ZNF445: variants seen among roughly 807,000 people sequenced by gnomAD.
The protein encoded by ZNF445 is zinc finger protein 168.
Under a neutral mutation model 93.9 loss-of-function variants are expected in ZNF445, and 19 were observed. That is an observed-to-expected ratio of 0.20 (90% confidence interval 0.14 to 0.30). The LOEUF is 0.30. Among genes scored for constraint, ZNF445 ranks in the 10% least tolerant of loss-of-function variants. The pLI is 1.00. For missense variants in ZNF445, 1,058 were observed against 1,259.4 expected (o/e 0.84, Z 2.42); for synonymous variants, 449 against 446.3 (o/e 1.01, Z -0.08).
chr3:44,462,772 T>C (rs1330504291), intron 1 of ZNF445, among the ~76,000 whole-genome samples: 1 of 152,190 alleles, frequency 6.6e-6, no homozygotes, highest in South Asian at 2.1e-4. Context: ...ATTAATTTCA[T>C]GTGGGAAGTT....
Position 44,439,832 on chromosome 3 carries a change from C to T in ZNF445, c.*6743G>A, listed in dbSNP as rs771670186. The T allele has an allele frequency of 2.6e-5, 4 of 152,256 alleles. No homozygotes were observed. The highest frequency in any genetic ancestry group is 2.1e-4 in the South Asian group (1 of 4,818). The allele number at this position is 152,256 out of a possible 1,614,324, so 9.4% of individuals were successfully genotyped here. On this transcript the variant is annotated 3_prime_UTR_variant, in exon 8 of 8. Coordinates refer to ENST00000396077, the MANE Select transcript of ZNF445 (RefSeq NM_181489.6). The stretch of plus-strand genomic sequence containing the variant: ...CTAGGGAAAGCAAAGCGGGCACCCA[C>T]GCCAGTCTGTTGGGCTTCAGTGAAA...
chr3:44,449,457 G>T, intron 7 of ZNF445, 56 bp downstream of exon 7: 1 of 1,387,052 alleles, frequency 7.2e-7, no homozygotes, highest in South Asian at 1.2e-5. Flanking sequence ...CTGACCTTAA[G>T]AAAGAGAAAA....
rs765443158 is a variant in ZNF445 at position 44,439,874 on chromosome 3, C to G, written c.*6701G>C. 7 of 152,230 alleles carry G rather than the reference C, an allele frequency of 4.6e-5. No homozygotes were observed. Among genetic ancestry groups the G allele is most frequent in the Non-Finnish European group, 7.3e-5 (5 of 68,066 alleles). 9.4% of individuals were successfully genotyped at this position (152,230 alleles called of 1,614,324 possible). On this transcript the variant is annotated 3_prime_UTR_variant, in exon 8 of 8. Coordinates refer to ENST00000396077, the MANE Select transcript of ZNF445 (RefSeq NM_181489.6). ...TCAGTGAAAGGACGAACAAGTGGCTCTGGTTTTTGTTGTGGTTATGAGAGC... is the reference window on the plus strand; with the variant it reads ...TCAGTGAAAGGACGAACAAGTGGCTGTGGTTTTTGTTGTGGTTATGAGAGC...
chr3:44,463,239 G>A (rs1169245206), intron 1 of ZNF445, among the ~76,000 whole-genome samples: 2 of 152,096 alleles, frequency 1.3e-5, no homozygotes, highest in Admixed American at 6.5e-5. Context: ...GTTTCACCAT[G>A]TTGCTAGGTT....
At chr3:44,473,024 G>T (rs1698292459) in intron 1 of ZNF445, among the ~76,000 whole-genome samples, 1 of 152,090 alleles carries the variant, frequency 6.6e-6, no homozygotes, top group Non-Finnish European at 1.5e-5. Flanking sequence ...TTCACCTCAT[G>T]GCCAATGTAA....
In ZNF445 at chr3:44,434,887, T is replaced by C. The variant is rs1697645111; in HGVS notation, c.*11688A>G. 1 of 152,208 alleles carries C rather than the reference T, an allele frequency of 6.6e-6. No homozygotes were observed. The highest frequency in any genetic ancestry group is 2.4e-5 in the African/African-American group (1 of 41,454). 9.4% of individuals were successfully genotyped at this position (152,208 alleles called of 1,614,324 possible). A position where few individuals can be genotyped will look rare whatever the true frequency, so the allele number is the denominator to read the frequency against. ...CCACGATAGCTGAAGGCTATGCTAT[T>C]GAACACTGTAACTCAACTTTTACGT... is the stretch of plus-strand genomic sequence containing the variant. On this transcript the variant is annotated 3_prime_UTR_variant, in exon 8 of 8. Coordinates refer to ENST00000396077, the MANE Select transcript of ZNF445 (RefSeq NM_181489.6).
At chr3:44,455,810 A>T (rs191642439) in intron 2 of ZNF445, 114 bp from the exon 3 acceptor site, 1 of 399,502 alleles carries the variant, frequency 2.5e-6, no homozygotes, top group Admixed American at 4.2e-5. Flanking sequence ...GGTATATGCC[A>T]GTATCAAGTA....
chr3:44,458,637 C>A (rs567178236), intron 1 of ZNF445, among the ~76,000 whole-genome samples: 6 of 152,018 alleles, frequency 3.9e-5, no homozygotes, highest in Non-Finnish European at 7.4e-5. Context: ...AATATTGGTG[C>A]GTTTTAGGCC....
Position 44,439,058 on chromosome 3 carries a change from C to T in ZNF445, c.*7517G>A, listed in dbSNP as rs1306479682. On this transcript the variant is annotated 3_prime_UTR_variant, in exon 8 of 8. Coordinates refer to ENST00000396077, the MANE Select transcript of ZNF445 (RefSeq NM_181489.6). ...AGGCATGGTGGCTCACACCTGTAAT[C>T]CCAGCACTTTGGCAAGCTGAGGCAG... is the stretch of plus-strand genomic sequence containing the variant. 6.6e-6 allele frequency: 1 copy of T among 151,090 alleles called. No individual in the cohort carries two copies. The highest frequency in any genetic ancestry group is 1.5e-5 in the Non-Finnish European group (1 of 67,900). The allele number at this position is 151,090 out of a possible 1,614,324, so 9.4% of individuals were successfully genotyped here. A position where few individuals can be genotyped will look rare whatever the true frequency, so the allele number is the denominator to read the frequency against.
rs1327035466 is a variant in ZNF445 at position 44,438,129 on chromosome 3, T to G, written c.*8446A>C. On this transcript the variant is annotated 3_prime_UTR_variant, in exon 8 of 8. Coordinates refer to ENST00000396077, the MANE Select transcript of ZNF445 (RefSeq NM_181489.6). ...CAAAATTATGCAATTTGGAGAGTACTGTATCTCCTCAGTCACATTTTGCAC... is the reference window on the plus strand; with the variant it reads ...CAAAATTATGCAATTTGGAGAGTACGGTATCTCCTCAGTCACATTTTGCAC... 6.6e-6 allele frequency: 1 copy of G among 152,010 alleles called. No individual in the cohort carries two copies. The highest frequency in any genetic ancestry group is 1.5e-5 in the Non-Finnish European group (1 of 67,984). The allele number at this position is 152,010 out of a possible 1,614,324, so 9.4% of individuals were successfully genotyped here. A position where few individuals can be genotyped will look rare whatever the true frequency, so the allele number is the denominator to read the frequency against.
intron 1 of ZNF445, among the ~76,000 whole-genome samples, chr3:44,475,994 C>T (rs1698346383): frequency 1.3e-5 from 2 of 151,158 alleles, no homozygotes; most frequent in African/African-American, 4.9e-5. Flanking sequence ...AGTGAAACTC[C>T]GTCTCAAAAA....
rs1697902693 is a variant in ZNF445 at position 44,447,980 on chromosome 3, G to A, written c.1691C>T (p.Ala564Val). ...ATTCAATTCAAGAAATTTCTTCTTAGCATGGGTTTCTCGGTGCAGACGGTA... is the reference window on the plus strand; with the variant it reads ...ATTCAATTCAAGAAATTTCTTCTTAACATGGGTTTCTCGGTGCAGACGGTA... ...SAYRLHRETH[A>V]KKKFLELNQY... Residue 564 changes from alanine (A) to valine (V), a missense_variant, in exon 8 of 8, where the codon GCT becomes GTT. By Grantham distance (64) the Ala-to-Val change is moderately conservative. Around this residue, in one of 3 missense-constraint regions of ZNF445, gnomAD observed 657 missense variants for 746.4 expected, o/e 0.88. Transcript: ENST00000396077. This position sits in a 1 kb window ranked among gnomAD's most constrained non-coding sequence, Gnocchi z 4.7. 1 of 1,612,476 alleles carries A rather than the reference G, an allele frequency of 6.2e-7. No individual in the cohort carries two copies. Among genetic ancestry groups the A allele is most frequent in the Non-Finnish European group, 8.5e-7 (1 of 1,179,992 alleles).
chr3:44,458,728 A>C (rs891935374), intron 1 of ZNF445, among the ~76,000 whole-genome samples: 2 of 151,966 alleles, frequency 1.3e-5, no homozygotes, highest in Non-Finnish European at 2.9e-5. Flanking sequence ...TTTCTCCCCA[A>C]GGCAGGCCAC....
rs1443550445 is a variant in ZNF445, at chr3:44,447,949, A to G, written c.1722T>C (p.Tyr574=). ...AKKKFLELNQ[Y]RAALTYSSGF... is the part of the protein sequence containing the mutation. ...CTGAGCTGTAGGTGAGAGCTGCCCTATACTGATTCAATTCAAGAAATTTCT... is the reference window on the plus strand; with the variant it reads ...CTGAGCTGTAGGTGAGAGCTGCCCTGTACTGATTCAATTCAAGAAATTTCT... Residue 574 remains tyrosine, a synonymous_variant, in exon 8 of 8, where the codon TAT becomes TAC. Transcript: ENST00000396077. The surrounding 1 kb of genome is among the most constrained non-coding windows in gnomAD (Gnocchi z 4.7). The G allele has an allele frequency of 6.2e-7, 1 of 1,613,100 alleles. No homozygotes were observed. The highest frequency in any genetic ancestry group is 1.3e-5 in the African/African-American group (1 of 74,766).
chr3:44,441,665 T>A lies in ZNF445; in HGVS notation c.*4910A>T, dbSNP rs1318844591. ...CTATGCTTAAGAAATATTTTTACTT[T>A]GAAACACTTTAAGCAAACAGTTAAA... On this transcript the variant is annotated 3_prime_UTR_variant, in exon 8 of 8. Transcript: ENST00000396077. 1.3e-5 allele frequency: 2 copies of A among 152,212 alleles called. No homozygotes were observed. Among genetic ancestry groups the A allele is most frequent in the African/African-American group, 4.8e-5 (2 of 41,450 alleles). The allele number at this position is 152,212 out of a possible 1,614,324, so 9.4% of individuals were successfully genotyped here. A position where few individuals can be genotyped will look rare whatever the true frequency, so the allele number is the denominator to read the frequency against.
At chr3:44,453,345 A>G (rs930104333) in intron 3 of ZNF445, among the ~76,000 whole-genome samples, 4 of 149,232 alleles carry the variant, frequency 2.7e-5, no homozygotes, top group African/African-American at 7.4e-5. Flanking sequence ...CCCAGTCTAG[A>G]CTGCACTGGT....
chr3:44,462,829 G>C (rs1455306276), intron 1 of ZNF445, among the ~76,000 whole-genome samples: 1 of 152,166 alleles, frequency 6.6e-6, no homozygotes, highest in Non-Finnish European at 1.5e-5. Flanking sequence ...ACTTGGTATG[G>C]CTAAAGTTGG....
In ZNF445 at chr3:44,455,581, C is replaced by A. The variant is rs764032500; in HGVS notation, c.-32G>T. On this transcript the variant is annotated 5_prime_UTR_variant, in exon 3 of 8. Transcript: ENST00000396077. ...TGTTCAGGGACTAACCAGAAGAGTG[C>A]GAACCAAGTCCACCTTAGACGTGGG... The A allele has an allele frequency of 6.5e-7, 1 of 1,528,872 alleles. No individual in the cohort carries two copies. The highest frequency in any genetic ancestry group is 8.8e-7 in the Non-Finnish European group (1 of 1,139,138). 94.7% of individuals were successfully genotyped at this position (1,528,872 alleles called of 1,614,324 possible).
intron 1 of ZNF445, among the ~76,000 whole-genome samples, chr3:44,463,856 G>A (rs1054286749): frequency 1.3e-5 from 2 of 152,138 alleles, no homozygotes; most frequent in Non-Finnish European, 2.9e-5. Flanking sequence ...GACTGGTCAT[G>A]GTAGCTCATG....
Sources: allele counts gnomAD v4.1 joint callset (sites outside exome capture counted in the v4.1 genomes callset), GRCh38; gene constraint gnomAD v4.1.1; regional missense constraint gnomAD v4.1.1; non-coding constraint Gnocchi (gnomAD v3.1); transcripts MANE v1.5; gene names NCBI Gene and HGNC (gene_info 2026-07-23, HGNC 2026-07-21).